RBFOX1: variants seen among roughly 807,000 people sequenced by gnomAD.
RBFOX1 encodes the protein RNA binding protein fox-1 homolog 1.
Under a neutral mutation model 57.7 loss-of-function variants are expected in RBFOX1, and 8 were observed. That is an observed-to-expected ratio of 0.14 (90% CI 0.08 to 0.25). RBFOX1 has a LOEUF of 0.25. Ranked by LOEUF, RBFOX1 falls within the 10% of genes least tolerant of loss-of-function variation. RBFOX1 has a pLI of 1.00. For missense variants in RBFOX1, 611 were observed against 548.5 expected, an observed-to-expected ratio of 1.11 and a Z score of -1.14; for synonymous variants, 326 against 222.4, an observed-to-expected ratio of 1.47 and a Z score of -4.15.
intron 3 of RBFOX1, among the ~76,000 whole-genome samples, chr16:6,928,047 C>G (rs1215726855): frequency 1.3e-5 from 2 of 152,280 alleles, no homozygotes; most frequent in East Asian, 3.9e-4. Context: ...ATAATTTCCC[C>G]AACTTGGGTT....
At chr16:6,020,654 A>C (rs1225746004) in intron 1 of RBFOX1, among the ~76,000 whole-genome samples, 1 of 152,114 alleles carries the variant, frequency 6.6e-6, no homozygotes, top group Non-Finnish European at 1.5e-5. Flanking sequence ...CCAGAGAAGG[A>C]AACACAGGGG....
intron 4 of RBFOX1, among the ~76,000 whole-genome samples, chr16:7,143,501 C>A (rs1035024280): frequency 6.6e-6 from 1 of 152,096 alleles, no homozygotes; most frequent in Non-Finnish European, 1.5e-5. Flanking sequence ...TTCCCATATC[C>A]TACCCCCGCC....
At chr16:5,542,548 C>T (rs186702387) in intron 2 of RBFOX1, among the ~76,000 whole-genome samples, 1 of 152,116 alleles carries the variant, frequency 6.6e-6, no homozygotes, top group Non-Finnish European at 1.5e-5. Flanking sequence ...TGAACCACCG[C>T]ATCCAGCCAT....
intron 2 of RBFOX1, among the ~76,000 whole-genome samples, chr16:6,334,553 T>C (rs945590515): frequency 6.6e-5 from 10 of 151,812 alleles, no homozygotes; most frequent in African/African-American, 2.4e-4. Flanking sequence ...ATCGTCATTA[T>C]ATATTGAGAA....
At chr16:6,486,575 A>C (rs1307608717) in intron 2 of RBFOX1, among the ~76,000 whole-genome samples, 1 of 152,132 alleles carries the variant, frequency 6.6e-6, no homozygotes, top group Admixed American at 6.5e-5. Context: ...AGTCCTCTCT[A>C]TGAGACTTCA....
At chr16:6,290,914 G>C (rs1467866284) in intron 1 of RBFOX1, among the ~76,000 whole-genome samples, 1 of 152,126 alleles carries the variant, frequency 6.6e-6, no homozygotes, top group Non-Finnish European at 1.5e-5. Context: ...GAGAGTAGAG[G>C]AATAAAAGAA....
intron 1 of RBFOX1, among the ~76,000 whole-genome samples, chr16:5,246,909 A>T (rs530791308): frequency 6.6e-6 from 1 of 152,126 alleles, no homozygotes; most frequent in East Asian, 1.9e-4. Flanking sequence ...GGGCTCAAGC[A>T]ATCTGCCGGC....
At chr16:7,110,993 A>C (rs1457321678) in intron 4 of RBFOX1, among the ~76,000 whole-genome samples, 1 of 152,116 alleles carries the variant, frequency 6.6e-6, no homozygotes, top group African/African-American at 2.4e-5. Flanking sequence ...AGAAGTCTTC[A>C]TTTGTTTGTT....
chr16:5,421,687 A>G (rs2067332464), intron 1 of RBFOX1, among the ~76,000 whole-genome samples: 1 of 152,238 alleles, frequency 6.6e-6, no homozygotes, highest in Non-Finnish European at 1.5e-5. Flanking sequence ...ATTAAAAAAG[A>G]CATTTGAGTG....
At chr16:5,816,738 C>T (rs552519309) in intron 3 of RBFOX1, among the ~76,000 whole-genome samples, 5 of 152,278 alleles carry the variant, frequency 3.3e-5, no homozygotes, top group South Asian at 2.1e-4. Flanking sequence ...GAGCCATGAT[C>T]GTCCCACTGT....
intron 3 of RBFOX1, among the ~76,000 whole-genome samples, chr16:6,978,557 T>G (rs528775247): frequency 6.6e-6 from 1 of 151,114 alleles, no homozygotes; most frequent in Non-Finnish European, 1.5e-5. Context: ...ACTACAGTCA[T>G]AGAGCCCCTT....
intron 4 of RBFOX1, among the ~76,000 whole-genome samples, chr16:7,077,973 G>T (rs541011652): frequency 6.6e-6 from 1 of 152,148 alleles, no homozygotes; most frequent in African/African-American, 2.4e-5. Context: ...CAAGGGCTGT[G>T]CTGTCTCCTG....
intron 4 of RBFOX1, among the ~76,000 whole-genome samples, chr16:7,367,951 G>C (rs2097490654): frequency 6.6e-6 from 1 of 151,196 alleles, no homozygotes. Context: ...TTAGCCCAAG[G>C]GTCACCAGTT....
At position 5,859,622 on chromosome 16, in the gene RBFOX1, G is replaced by A. The variant is rs2057159367; in HGVS notation, c.319-7681G>A. ...TCACAAAGAACAGCATAGGTGCCCA[G>A]GGTTTTGTGACAGGGAGGATAAAAC... On this transcript the variant is annotated intron_variant, in intron 3 of 19. Transcript: ENST00000641259. Among the ~76,000 whole-genome samples the A allele has an allele frequency of 2.0e-5, 3 of 152,192 alleles. No individual in the cohort carries two copies. In the South Asian group the frequency reaches 6.2e-4, roughly 31 times the overall value.
chr16:6,888,060 C>T (rs981268202), intron 3 of RBFOX1, among the ~76,000 whole-genome samples: 4 of 152,134 alleles, frequency 2.6e-5, no homozygotes, highest in South Asian at 4.1e-4. Context: ...TTGGGGAAGA[C>T]GTTCCCAGGT....
intron 4 of RBFOX1, among the ~76,000 whole-genome samples, chr16:7,453,548 A>C (rs187479624): frequency 2.6e-5 from 4 of 152,314 alleles, no homozygotes; most frequent in African/African-American, 9.6e-5. Context: ...TTCATAGTGT[A>C]TGACAGTAAG....
At chr16:5,548,170 A>ATAGATAT (rs1317008346) in intron 2 of RBFOX1, among the ~76,000 whole-genome samples, 2 of 40,714 alleles carry the variant, frequency 4.9e-5, no homozygotes, top group African/African-American at 1.4e-4. Flanking sequence ...AAAAAAAAAA[A>ATAGATAT]AAAAATATAT....
chr16:7,255,176 G>A (rs538520431), intron 4 of RBFOX1, among the ~76,000 whole-genome samples: 1 of 152,084 alleles, frequency 6.6e-6, no homozygotes, highest in Admixed American at 6.6e-5. Context: ...TTCTATTTTA[G>A]ACAATGAGGC....
At chr16:6,933,036 C>T (rs762865321) in intron 3 of RBFOX1, among the ~76,000 whole-genome samples, 2 of 152,186 alleles carry the variant, frequency 1.3e-5, no homozygotes, top group African/African-American at 4.8e-5. Flanking sequence ...AGCATAATAT[C>T]CTTAAGGTTC....
Sources: gnomAD v4.1 joint callset for allele counts (sites outside exome capture counted in the v4.1 genomes callset) on GRCh38, gnomAD v4.1.1 for gene constraint, MANE v1.5 for transcripts, NCBI Gene and HGNC (gene_info 2026-07-23, HGNC 2026-07-21) for gene names.